Variants in DNAH1 observed in about 807,000 individuals in gnomAD.
DNAH1 encodes the protein axonemal beta dynein heavy chain 1.
A neutral mutation model predicts 484.3 loss-of-function variants in DNAH1; 327 were observed. That is an observed-to-expected ratio of 0.68 (90% CI 0.62 to 0.74). The LOEUF (loss-of-function observed/expected upper bound fraction) is 0.74, where lower values mean the gene tolerates loss of function less well. Among genes scored for constraint, DNAH1 ranks in the 30% least tolerant of loss-of-function variants. The pLI is 0.00. For missense variants in DNAH1, 5,052 were observed against 5,546.8 expected, an observed-to-expected ratio of 0.91 and a Z score of 2.83; for synonymous variants, 2,192 against 2,191.9, an observed-to-expected ratio of 1.00 and a Z score of 0.00.
At chr3:52,325,581 C>A (rs1235820145) in intron 3 of DNAH1, among the ~76,000 whole-genome samples, 1 of 152,232 alleles carries the variant, frequency 6.6e-6, no homozygotes, top group East Asian at 1.9e-4. Flanking sequence ...CCCCTTCCCC[C>A]AGGTATGGAA....
intron 17 of DNAH1, 101 bp from the exon 18 acceptor site, chr3:52,352,451 A>G (rs1702424237): frequency 2.1e-6 from 3 of 1,459,262 alleles, no homozygotes; most frequent in Admixed American, 4.2e-5. Flanking sequence ...AACTCGGAGG[A>G]GTGGACGTCC....
chr3:52,363,393 A>G (rs1442895689), intron 32 of DNAH1, among the ~76,000 whole-genome samples: 1 of 152,256 alleles, frequency 6.6e-6, no homozygotes, highest in African/African-American at 2.4e-5. Flanking sequence ...GGAGCCAGGA[A>G]CAGATGCCTG....
chr3:52,344,269 GCAGAAAATGGGGGA>G (rs1169674966), intron 8 of DNAH1, among the ~76,000 whole-genome samples: 2 of 152,168 alleles, frequency 1.3e-5, no homozygotes, highest in African/African-American at 2.4e-5. Context: ...GGGACAAGGG[GCAGAAAATGGGGGA>G]CAGAAAATGG....
chr3:52,369,774 A>C, intron 37 of DNAH1, 51 bp from the exon 38 acceptor site: 1 of 1,558,916 alleles, frequency 6.4e-7, no homozygotes, highest in Non-Finnish European at 8.7e-7. Context: ...CCCTTTCTCC[A>C]GGCCTGAGGA....
rs1703510481 is a variant in DNAH1, at chr3:52,374,761, A to G, written c.6986-479A>G. ...GCCCTGAATCTGTTCATAGAGATGG[A>G]ACAAAAGCTGTTTGATGACTGTACA... is the stretch of plus-strand genomic sequence containing the variant. On this transcript the variant is annotated intron_variant, in intron 44 of 77. Coordinates refer to ENST00000420323, the MANE Select transcript of DNAH1 (RefSeq NM_015512.5). The G allele has an allele frequency of 2.6e-6, 3 of 1,157,170 alleles. No individual in the cohort carries two copies. In the Admixed American group the frequency reaches 5.2e-5, roughly 20 times the overall value. 71.7% of individuals were successfully genotyped at this position (1,157,170 alleles called of 1,614,324 possible).
chr3:52,366,630 T>C, intron 35 of DNAH1, 82 bp downstream of exon 35: 1 of 1,552,504 alleles, frequency 6.4e-7, no homozygotes, highest in Non-Finnish European at 8.7e-7. Flanking sequence ...TTGGCCTCCA[T>C]TTGTGCCCCT....
chr3:52,384,755 C>T (rs752114519), intron 52 of DNAH1, 31 bp from the exon 53 acceptor site: 7 of 1,550,032 alleles, frequency 4.5e-6, no homozygotes, highest in Non-Finnish European at 6.1e-6. Context: ...GGGCCTCTAC[C>T]AGGCCGGCAT....
rs754282864 is a variant in DNAH1, at chr3:52,398,988, T to A, written c.12228T>A (p.Ser4076Arg). Residue 4076 changes from serine (S) to arginine (R), a missense_variant, in exon 76 of 78, where the codon AGT becomes AGA. Physicochemically the swap from Ser to Arg is moderately radical, Grantham distance 110. Coordinates refer to ENST00000420323, the MANE Select transcript of DNAH1 (RefSeq NM_015512.5). ...LYNNTVPELWSAKAYPSLKPL... is the reference protein window; with the variant it reads ...LYNNTVPELWRAKAYPSLKPL... ...ACAATACTGTGCCTGAGCTCTGGAG[T>A]GCCAAGGCCTACCCATCGCTCAAGC... 2 of 1,613,826 alleles carry A rather than the reference T, an allele frequency of 1.2e-6. No homozygotes were observed. The highest frequency in any genetic ancestry group is 3.3e-5 in the Admixed American group (2 of 60,014).
At chr3:52,348,123 C>T in intron 12 of DNAH1, 149 bp downstream of exon 12, 1 of 791,024 alleles carries the variant, frequency 1.3e-6, no homozygotes. Context: ...TCAAATATCC[C>T]ATTTAATCCT....
intron 75 of DNAH1, 106 bp from the exon 76 acceptor site, chr3:52,398,744 T>A: frequency 1.0e-6 from 1 of 993,242 alleles, no homozygotes. Flanking sequence ...GCTCTTAGCC[T>A]CTATGTTTTG....
chr3:52,399,354 G>A (rs533824075), intron 76 of DNAH1, among the ~76,000 whole-genome samples, 153 bp downstream of exon 76: 194 of 152,298 alleles, frequency 1.3e-3, no homozygotes, highest in African/African-American at 4.2e-3. Context: ...CCCAGGAACG[G>A]GTCTGGGCTG....
In DNAH1 at chr3:52,383,607, G is replaced by T. The variant is rs771079609; in HGVS notation, c.8150+13G>T. On this transcript the variant is annotated intron_variant, in intron 51 of 77. Coordinates refer to ENST00000420323, the MANE Select transcript of DNAH1 (RefSeq NM_015512.5). ...TGCTGTGCATGAGGTACAGGCAGCT[G>T]TCGCCAGGCTGCGCTGGGGCAGCGG... 3.2e-6 allele frequency: 5 copies of T among 1,556,794 alleles called. No homozygotes were observed. The highest frequency in any genetic ancestry group is 4.4e-6 in the Non-Finnish European group (5 of 1,147,770).
At position 52,376,432 on chromosome 3, in the gene DNAH1, C is replaced by G. The variant is rs571690030; in HGVS notation, c.7198+439C>G. On this transcript the variant is annotated intron_variant, in intron 46 of 77. Transcript: ENST00000420323. ...TCCCTGTCCTTGCCCAGGCCTGCCT[C>G]CTCACCCTGCCTTCAGCTGAAAGAG... Among the ~76,000 whole-genome samples the G allele has an allele frequency of 1.1e-3, 160 of 152,300 alleles. 1 individual carries two copies. The highest frequency in any genetic ancestry group is 3.7e-3 in the African/African-American group (154 of 41,562).
chr3:52,352,675 C>T lies in DNAH1; in HGVS notation c.2995C>T (p.Arg999Cys), dbSNP rs759263600. The change falls in exon 18 of 78, where the codon CGC becomes TGC. Residue 999 changes from arginine to cysteine, a missense_variant. Transcript: ENST00000420323. ...CQQLAMLYNN[R>C]ERIFSLPITN... ...GCAGCTGGCCATGCTCTACAACAAC[C>T]GCGAGCGCATCTTCAGCTTGCCCAT... The T allele has an allele frequency of 1.4e-5, 23 of 1,612,880 alleles. No homozygotes were observed. Among genetic ancestry groups the T allele is most frequent in the South Asian group, 8.8e-5 (8 of 91,040 alleles).
intron 18 of DNAH1, among the ~76,000 whole-genome samples, 156 bp from the exon 19 acceptor site, chr3:52,352,944 GAGA>G (rs1477383778): frequency 2.6e-5 from 4 of 152,216 alleles, no homozygotes; most frequent in East Asian, 3.9e-4. Context: ...CAGGTGGGAA[GAGA>G]AGAAGGGAGG....
rs372180379 is a variant in DNAH1, at chr3:52,395,657, C to T, written c.11238C>T (p.Ile3746=). 2.4e-5 allele frequency: 38 copies of T among 1,613,666 alleles called. No individual in the cohort carries two copies. Among genetic ancestry groups the T allele is most frequent in the Middle Eastern group, 1.6e-4 (1 of 6,084 alleles). Reference sequence around the variant, plus strand: ...GGATGCCAGCCCTAGAACGCCTCATCGAGCACATCAACCCCGACAAGGTGT... The same window carrying T: ...GGATGCCAGCCCTAGAACGCCTCATTGAGCACATCAACCCCGACAAGGTGT... ...PSWMPALERL[I]EHINPDKVHR... The change falls in exon 70 of 78, where the codon ATC becomes ATT. Residue 3746 remains isoleucine, a synonymous_variant. Coordinates refer to ENST00000420323, the MANE Select transcript of DNAH1 (RefSeq NM_015512.5). This position sits in a 1 kb window ranked among gnomAD's most constrained non-coding sequence, Gnocchi z 4.4.
intron 34 of DNAH1, among the ~76,000 whole-genome samples, chr3:52,365,987 C>T (rs1377118120): frequency 6.6e-6 from 1 of 152,260 alleles, no homozygotes; most frequent in East Asian, 1.9e-4. Flanking sequence ...CCTTCTTGGG[C>T]CAAAGTGAGG....
chr3:52,361,745 C>T lies in DNAH1; in HGVS notation c.4959C>T (p.Ile1653=), dbSNP rs542195791. 13 of 1,609,788 alleles carry T rather than the reference C, an allele frequency of 8.1e-6. No individual in the cohort carries two copies. In the South Asian group the frequency reaches 1.3e-4, roughly 16 times the overall value. The stretch of plus-strand genomic sequence containing the variant: ...TGGTGGCGCAGCAGATCACCACCAT[C>T]CAGAAGGCGCAGCAGCAGCGGGTGA... ...LSVVAQQITT[I]QKAQQQRVER... is the part of the protein sequence containing the mutation. Residue 1653 remains isoleucine (I), a synonymous_variant, in exon 30 of 78, where the codon ATC becomes ATT. Transcript: ENST00000420323. The surrounding 1 kb of genome is among the most constrained non-coding windows in gnomAD (Gnocchi z 5.6).
At chr3:52,386,455 GC>G in intron 55 of DNAH1, 110 bp downstream of exon 55, 2 of 1,403,618 alleles carry the variant, frequency 1.4e-6, no homozygotes, top group Non-Finnish European at 1.9e-6. Context: ...CCTCATTCCA[GC>G]CCCCAGGGCC....
Sources: gnomAD v4.1 joint callset for allele counts (sites outside exome capture counted in the v4.1 genomes callset) on GRCh38, gnomAD v4.1.1 for gene constraint, Gnocchi (gnomAD v3.1) non-coding constraint, MANE v1.5 for transcripts, NCBI Gene and HGNC (gene_info 2026-07-23, HGNC 2026-07-21) for gene names.